The following DPYD variants were observed in gnomAD, a reference collection of about 807,000 sequenced individuals.
DPYD encodes the protein dihydropyrimidine dehydrogenase [NADP(+)].
DPYD carries 109 observed loss-of-function variants against 116.2 expected under a neutral mutation model. The observed-to-expected ratio is 0.94, with a 90% CI of 0.80 to 1.10. The LOEUF (loss-of-function observed/expected upper bound fraction) is 1.10. DPYD is among the 50% of genes least tolerant of loss of function. DPYD has a pLI of 0.00. For missense variants in DPYD, 1,302 were observed against 1,254.5 expected (o/e 1.04, Z -0.57); for synonymous variants, 440 against 432.0 (o/e 1.02, Z -0.23).
chr1:97,089,827 G>GT (rs112112819), intron 21 of DPYD, among the ~76,000 whole-genome samples: 6 of 126,602 alleles, frequency 4.7e-5, no homozygotes, highest in Non-Finnish European at 1.0e-4. Flanking sequence ...CATTTTGTTT[G>GT]TTTTTTTTTT....
At position 97,469,397 on chromosome 1, in the gene DPYD, C is replaced by CAAAAAAAAAAAAAAAAAAAAAAAAAAA. The variant is rs59090402; in HGVS notation, c.1741-19201_1741-19175dup. On this transcript the variant is annotated intron_variant, in intron 13 of 22. Transcript: ENST00000370192. ...ATAGCTCTAAGGGAAGCTAAAATTG[C>CAAAAAAAAAAAAAAAAAAAAAAAAAAA]AAAAAAAAAAAAAAAAAAAAAAAAA... is the stretch of plus-strand genomic sequence containing the variant. Among the ~76,000 whole-genome samples the CAAAAAAAAAAAAAAAAAAAAAAAAAAA allele has an allele frequency of 5.7e-4, 46 of 80,806 alleles. 1 individual carries two copies. The highest frequency in any genetic ancestry group is 1.2e-3 in the Admixed American group (7 of 5,754). The allele number at this position is 80,806 out of a possible 152,430, so 53.0% of individuals were successfully genotyped here.
At chr1:97,872,389 G>A (rs958706423) in intron 2 of DPYD, among the ~76,000 whole-genome samples, 1 of 147,480 alleles carries the variant, frequency 6.8e-6, no homozygotes. Flanking sequence ...CAAAATAAAA[G>A]TAACAAGGCT....
At chr1:97,379,885 T>C (rs1017804543) in intron 15 of DPYD, among the ~76,000 whole-genome samples, 1 of 152,324 alleles carries the variant, frequency 6.6e-6, no homozygotes, top group East Asian at 1.9e-4. Context: ...TCTTGTGAAA[T>C]GATGTGCTAT....
intron 16 of DPYD, among the ~76,000 whole-genome samples, chr1:97,338,517 C>A (rs1669419352): frequency 6.6e-6 from 1 of 152,170 alleles, no homozygotes; most frequent in Non-Finnish European, 1.5e-5. Context: ...CAAAGAAGAG[C>A]ACGTCTGCCA....
rs1656456182 is a variant in DPYD at position 97,168,131 on chromosome 1, T to G, written c.2622+24938A>C. Among the ~76,000 whole-genome samples the G allele has an allele frequency of 2.0e-5, 3 of 152,196 alleles. No individual in the cohort carries two copies. The South Asian group carries it at 6.2e-4, about 31-fold the overall frequency. ...ACTCTAAGAACATAAAATCTTTTTT[T>G]AAGCGTGATATTCTCCAAACAAGTT... On this transcript the variant is annotated intron_variant, in intron 20 of 22. Coordinates refer to ENST00000370192, the MANE Select transcript of DPYD (RefSeq NM_000110.4).
chr1:97,519,355 T>A (rs1023812430), intron 12 of DPYD, among the ~76,000 whole-genome samples: 1 of 152,086 alleles, frequency 6.6e-6, no homozygotes, highest in Non-Finnish European at 1.5e-5. Flanking sequence ...AACCATTAGA[T>A]CTTGTGAGAC....
At chr1:97,280,012 C>T (rs1283067934) in intron 18 of DPYD, 1 of 152,024 alleles carries the variant, frequency 6.6e-6, no homozygotes, top group Non-Finnish European at 1.5e-5. Context: ...ATTGTTTATC[C>T]CCAGAGAAAA....
At chr1:97,154,706 C>T (rs1204483450) in intron 20 of DPYD, among the ~76,000 whole-genome samples, 2 of 122,916 alleles carry the variant, frequency 1.6e-5, no homozygotes, top group Admixed American at 1.7e-4. Context: ...GACTCCATCT[C>T]AAAAAAAAAA....
chr1:97,550,536 C>T (rs149824840), intron 11 of DPYD, among the ~76,000 whole-genome samples: 2,348 of 152,122 alleles, frequency 0.015, 33 homozygotes, highest in Middle Eastern at 0.044. Context: ...TCAATGGATG[C>T]AATTTAGAGA....
intron 19 of DPYD, among the ~76,000 whole-genome samples, chr1:97,227,896 A>G (rs1661302536): frequency 6.6e-6 from 1 of 152,022 alleles, no homozygotes; most frequent in Non-Finnish European, 1.5e-5. Context: ...GTGAACTTAC[A>G]TTTAATTCCT....
intron 3 of DPYD, among the ~76,000 whole-genome samples, chr1:97,813,666 C>T (rs1293280369): frequency 1.3e-5 from 2 of 152,032 alleles, no homozygotes; most frequent in African/African-American, 4.8e-5. Context: ...ACTTCTATTC[C>T]CCAGCCAAAA....
intron 11 of DPYD, among the ~76,000 whole-genome samples, chr1:97,563,749 G>A (rs555377735): frequency 6.6e-6 from 1 of 152,202 alleles, no homozygotes; most frequent in Non-Finnish European, 1.5e-5. Context: ...TAAGGCAGAT[G>A]TAAGTGATGT....
At chr1:97,529,304 C>T (rs555632340) in intron 12 of DPYD, among the ~76,000 whole-genome samples, 73 of 152,234 alleles carry the variant, frequency 4.8e-4, no homozygotes, top group African/African-American at 1.6e-3. Context: ...GCATTCTATA[C>T]GGCAGGCATT....
intron 3 of DPYD, among the ~76,000 whole-genome samples, chr1:97,819,164 T>C (rs1557985625): frequency 6.6e-6 from 1 of 151,982 alleles, no homozygotes; most frequent in Non-Finnish European, 1.5e-5. Context: ...TATGTGTTTT[T>C]CTGTAATAGA....
At chr1:97,850,337 A>G (rs12072739) in intron 2 of DPYD, among the ~76,000 whole-genome samples, 33,617 of 152,120 alleles carry the variant, frequency 0.22, 3,889 homozygotes, top group South Asian at 0.24. Context: ...TAAATCTCTA[A>G]TTTTCTCTGT....
intron 20 of DPYD, 28 bp downstream of exon 20, chr1:97,193,041 G>A (rs1170989486): frequency 6.2e-7 from 1 of 1,612,478 alleles, no homozygotes; most frequent in Non-Finnish European, 8.5e-7. Context: ...GAGTTCTCAA[G>A]AATAACACAG....
At chr1:97,083,019 C>T (rs1369454519) in intron 21 of DPYD, among the ~76,000 whole-genome samples, 1 of 152,072 alleles carries the variant, frequency 6.6e-6, no homozygotes, top group Non-Finnish European at 1.5e-5. Flanking sequence ...TTTAAAAATT[C>T]TAATTTATGT....
chr1:97,296,104 A>G (rs1666509228), intron 18 of DPYD: 1 of 152,204 alleles, frequency 6.6e-6, no homozygotes, highest in African/African-American at 2.4e-5. Flanking sequence ...GATCTCAAAT[A>G]TTACAATAAC....
chr1:97,143,558 C>A (rs1654386734), intron 20 of DPYD, among the ~76,000 whole-genome samples: 1 of 152,046 alleles, frequency 6.6e-6, no homozygotes, highest in African/African-American at 2.4e-5. Context: ...ATTAGATAGA[C>A]CCTTCTACCT....
Sources: allele counts gnomAD v4.1 joint callset (sites outside exome capture counted in the v4.1 genomes callset), GRCh38; gene constraint gnomAD v4.1.1; transcripts MANE v1.5; gene names NCBI Gene and HGNC (gene_info 2026-07-23, HGNC 2026-07-21).